WDR59: variants seen among roughly 807,000 people sequenced by gnomAD.
WDR59 encodes WD repeat domain 59, also known as GATOR2 complex protein WDR59.
Under a neutral mutation model 131.2 loss-of-function variants are expected in WDR59, and 100 were observed. The observed-to-expected ratio is 0.76, with a 90% CI of 0.65 to 0.90. The LOEUF (loss-of-function observed/expected upper bound fraction) is 0.90, where lower values mean the gene tolerates loss of function less well. WDR59 is among the 40% of genes least tolerant of loss of function. The pLI, the probability that WDR59 is intolerant of heterozygous loss-of-function variation, is 0.00. For synonymous variants in WDR59, 601 were observed against 466.2 expected (o/e 1.29, Z -3.72); for missense variants, 1,203 against 1,262.2 (o/e 0.95, Z 0.71).
chr16:74,894,755 C>T (rs1007372224), intron 18 of WDR59, among the ~76,000 whole-genome samples: 1 of 152,140 alleles, frequency 6.6e-6, no homozygotes, highest in Non-Finnish European at 1.5e-5. Context: ...GCAGGACCCT[C>T]GGCAAGTTTT....
At chr16:74,922,629 T>C (rs2030359418) in intron 9 of WDR59, among the ~76,000 whole-genome samples, 1 of 152,216 alleles carries the variant, frequency 6.6e-6, no homozygotes, top group Non-Finnish European at 1.5e-5. Flanking sequence ...CATGTTTTAC[T>C]TGGCAAAACC....
Position 74,887,664 on chromosome 16 carries a change from A to T in WDR59, c.2419+19T>A, listed in dbSNP as rs200583394. ...GAGAACTAAAAATCCAGCGTGGGCTAAGTCATTTCCATACAAACCTATGTT... is the reference window on the plus strand; with the variant it reads ...GAGAACTAAAAATCCAGCGTGGGCTTAGTCATTTCCATACAAACCTATGTT... On this transcript the variant is annotated intron_variant, in intron 23 of 25. Coordinates refer to ENST00000262144, the MANE Select transcript of WDR59 (RefSeq NM_030581.4). The T allele has an allele frequency of 2.5e-6, 4 of 1,613,390 alleles. No homozygotes were observed. The highest frequency in any genetic ancestry group is 3.4e-6 in the Non-Finnish European group (4 of 1,179,370).
chr16:74,890,767 G>C lies in WDR59; in HGVS notation c.2083-952C>G, dbSNP rs376753422. Among the ~76,000 whole-genome samples the C allele has an allele frequency of 1.5e-4, 23 of 152,136 alleles. No individual in the cohort carries two copies. The East Asian group carries it at 2.9e-3, about 19-fold the overall frequency. On this transcript the variant is annotated intron_variant, in intron 20 of 25. Coordinates refer to ENST00000262144, the MANE Select transcript of WDR59 (RefSeq NM_030581.4). ...CCTCTAAGTGTCTATTAAGTCCAAG[G>C]CACAGGCTAAACCCATCATGTCATA...
chr16:74,956,330 CCT>C (rs755299305), intron 3 of WDR59, 143 bp downstream of exon 3: 43 of 1,092,580 alleles, frequency 3.9e-5, no homozygotes, highest in Admixed American at 6.6e-5. Flanking sequence ...CCGTAACTTG[CCT>C]CTGTCTTTTT....
chr16:74,899,862 C>A (rs10514387), intron 18 of WDR59: 28,636 of 814,134 alleles, frequency 0.035, 1,836 homozygotes, highest in African/African-American at 0.22. Flanking sequence ...CGATGGATTC[C>A]AATGTACCAT....
intron 25 of WDR59, among the ~76,000 whole-genome samples, chr16:74,883,011 T>C (rs28454244): frequency 3.3e-5 from 5 of 149,398 alleles, no homozygotes; most frequent in African/African-American, 4.9e-5. Context: ...TTCGTTTTTT[T>C]GTTTTTTGCT....
At chr16:74,962,197 T>A (rs1305495721) in intron 2 of WDR59, among the ~76,000 whole-genome samples, 3 of 152,180 alleles carry the variant, frequency 2.0e-5, no homozygotes, top group Non-Finnish European at 4.4e-5. Context: ...TGTAGCCTTG[T>A]AGGATAGTTT....
chr16:74,921,515 G>C (rs1366654321), intron 10 of WDR59, among the ~76,000 whole-genome samples: 1 of 149,034 alleles, frequency 6.7e-6, no homozygotes, highest in Non-Finnish European at 1.5e-5. Flanking sequence ...TTTCTTTTTT[G>C]AGACAGAGCA....
chr16:74,975,805 C>T (rs947008357), intron 1 of WDR59, among the ~76,000 whole-genome samples: 1 of 151,950 alleles, frequency 6.6e-6, no homozygotes, highest in Non-Finnish European at 1.5e-5. Flanking sequence ...AAATCCTTAA[C>T]GTCTTTGTTC....
At chr16:74,881,785 A>G (rs1212897110) in intron 25 of WDR59, among the ~76,000 whole-genome samples, 1 of 151,306 alleles carries the variant, frequency 6.6e-6, no homozygotes, top group Non-Finnish European at 1.5e-5. Flanking sequence ...AGGTAGGAGA[A>G]TCGCTTGAAC....
intron 10 of WDR59, among the ~76,000 whole-genome samples, chr16:74,919,356 G>C (rs911262275): frequency 1.3e-5 from 2 of 151,648 alleles, no homozygotes; most frequent in South Asian, 4.2e-4. Flanking sequence ...TTTGAGATAG[G>C]GTCTCACTTT....
intron 1 of WDR59, among the ~76,000 whole-genome samples, chr16:74,980,516 G>A (rs547630003): frequency 2.0e-4 from 31 of 151,240 alleles, no homozygotes; most frequent in Non-Finnish European, 2.7e-4. Flanking sequence ...ACCATGCCTG[G>A]CTAATTTTTG....
At chr16:74,966,395 G>C (rs866260607) in intron 1 of WDR59, among the ~76,000 whole-genome samples, 1 of 152,080 alleles carries the variant, frequency 6.6e-6, no homozygotes. Flanking sequence ...CAGGAGAATC[G>C]CTTGAACGTG....
In WDR59 at chr16:74,923,842, A is replaced by C. The variant is rs539838653; in HGVS notation, c.729+84T>G. Reference sequence around the variant, plus strand: ...AAAGAGAAAATCACCTCACAAAGAAAATAAGAGAAAATGTCCCCGGGCTCC... The same window carrying C: ...AAAGAGAAAATCACCTCACAAAGAACATAAGAGAAAATGTCCCCGGGCTCC... On this transcript the variant is annotated intron_variant, in intron 9 of 25. Coordinates refer to ENST00000262144, the MANE Select transcript of WDR59 (RefSeq NM_030581.4). 3.1e-5 allele frequency: 39 copies of C among 1,240,246 alleles called. 1 individual carries two copies. In the South Asian group the frequency reaches 5.3e-4, roughly 17 times the overall value. 76.8% of individuals were successfully genotyped at this position (1,240,246 alleles called of 1,614,324 possible).
Position 74,942,759 on chromosome 16 carries a change from A to G in WDR59, c.513T>C (p.Asp171=). The change falls in exon 7 of 26, where the codon GAT becomes GAC. Residue 171 remains aspartate (D), a synonymous_variant. Coordinates refer to ENST00000262144, the MANE Select transcript of WDR59 (RefSeq NM_030581.4). ...TCACCCTCTTATCCCATATCCGCAC[A>G]TCGCCGTCATGGCTGGTGGCAAGGC... ...ANCLATSHDG[D]VRIWDKRKPS... is the part of the protein sequence containing the mutation. 6.2e-7 allele frequency: 1 copy of G among 1,613,552 alleles called. No individual in the cohort carries two copies. Among genetic ancestry groups the G allele is most frequent in the Non-Finnish European group, 8.5e-7 (1 of 1,179,852 alleles).
chr16:74,889,674 T>A, intron 21 of WDR59, 29 bp downstream of exon 21: 1 of 1,585,858 alleles, frequency 6.3e-7, no homozygotes, highest in Non-Finnish European at 8.6e-7. Context: ...CATCACTCAT[T>A]TTTCTCATTT....
rs77949195 is a variant in WDR59 at position 74,892,523 on chromosome 16, G to C, written c.2043C>G (p.Ala681=). Residue 681 remains alanine (A), a synonymous_variant, in exon 20 of 26, where the codon GCC becomes GCG. Coordinates refer to ENST00000262144, the MANE Select transcript of WDR59 (RefSeq NM_030581.4). ...TTCTTCCAACGAGCAAGGCAGAGGC[G>C]GCATTCTTCTGACATGTTTCCTGAA... ...NDIQETCQKN[A]ASALLVGRKD... is the part of the protein sequence containing the mutation. 8.7e-6 allele frequency: 14 copies of C among 1,613,726 alleles called. No individual in the cohort carries two copies. In the South Asian group the frequency reaches 1.3e-4, roughly 15 times the overall value.
At chr16:74,916,498 G>A (rs1966393843) in intron 11 of WDR59, among the ~76,000 whole-genome samples, 1 of 152,060 alleles carries the variant, frequency 6.6e-6, no homozygotes, top group Admixed American at 6.5e-5. Flanking sequence ...GTTTATGCAA[G>A]CCTCAGAAAA....
intron 8 of WDR59, among the ~76,000 whole-genome samples, chr16:74,933,507 T>A (rs769773492): frequency 3.9e-5 from 6 of 152,204 alleles, no homozygotes. Context: ...AATGCTACCA[T>A]TCTTAATAAT....
Sources: allele counts gnomAD v4.1 joint callset (sites outside exome capture counted in the v4.1 genomes callset), GRCh38; gene constraint gnomAD v4.1.1; transcripts MANE v1.5; gene names NCBI Gene and HGNC (gene_info 2026-07-23, HGNC 2026-07-21).